Variants in ITFG1 observed in about 807,000 individuals in gnomAD.
The protein encoded by ITFG1 is T-cell immunomodulatory protein.
In ITFG1, 34 loss-of-function variants were observed where a neutral mutation model predicts 81.8. The observed-to-expected ratio is 0.42, with a 90% CI of 0.32 to 0.55. The LOEUF (loss-of-function observed/expected upper bound fraction) is 0.55, where lower values mean the gene tolerates loss of function less well. ITFG1 is among the 20% of genes least tolerant of loss of function. The pLI, the probability that ITFG1 is intolerant of heterozygous loss-of-function variation, is 0.17. For missense variants in ITFG1, 672 were observed against 755.4 expected, an observed-to-expected ratio of 0.89 and a Z score of 1.29; for synonymous variants, 285 against 270.6, an observed-to-expected ratio of 1.05 and a Z score of -0.52.
intron 6 of ITFG1, among the ~76,000 whole-genome samples, chr16:47,409,731 T>G (rs1313412894): frequency 6.6e-6 from 1 of 151,764 alleles, no homozygotes; most frequent in Non-Finnish European, 1.5e-5. Flanking sequence ...AAAAAAAATT[T>G]TAAAACTTGT....
At chr16:47,256,842 CTG>C (rs1220548104) in intron 12 of ITFG1, among the ~76,000 whole-genome samples, 1 of 152,208 alleles carries the variant, frequency 6.6e-6, no homozygotes, top group African/African-American at 2.4e-5. Context: ...TGTTTCAAAA[CTG>C]TAATAAATAT....
At position 47,368,061 on chromosome 16, in the gene ITFG1, C is replaced by T. The variant is rs1048522456; in HGVS notation, c.721-2192G>A. Among the ~76,000 whole-genome samples, 7 of 151,564 alleles carry T rather than the reference C, an allele frequency of 4.6e-5. No individual in the cohort carries two copies. In the East Asian group the frequency reaches 7.8e-4, roughly 17 times the overall value. On this transcript the variant is annotated intron_variant, in intron 7 of 17. Coordinates refer to ENST00000320640, the MANE Select transcript of ITFG1 (RefSeq NM_030790.5). ...CATCCTGGCTAACACGGTGAAACCC[C>T]GTCTCTACTAAAAATACAAAAAATT... is the stretch of plus-strand genomic sequence containing the variant.
chr16:47,313,290 A>T (rs1967296635), intron 9 of ITFG1, among the ~76,000 whole-genome samples: 1 of 152,218 alleles, frequency 6.6e-6, no homozygotes, highest in Admixed American at 6.5e-5. Context: ...TTCCCATATT[A>T]ATCCTCCACT....
intron 6 of ITFG1, among the ~76,000 whole-genome samples, chr16:47,423,684 A>C (rs1287811868): frequency 1.3e-5 from 2 of 152,132 alleles, no homozygotes; most frequent in Non-Finnish European, 2.9e-5. Flanking sequence ...TTTCTCCTCC[A>C]CTTATGAAGC....
chr16:47,197,993 CT>C (rs1965378654), intron 14 of ITFG1, among the ~76,000 whole-genome samples: 1 of 152,100 alleles, frequency 6.6e-6, no homozygotes, highest in Admixed American at 6.6e-5. Flanking sequence ...AGTATAATTT[CT>C]TTTTATAGGG....
chr16:47,269,580 A>C (rs1207129067), intron 10 of ITFG1, among the ~76,000 whole-genome samples: 3 of 152,036 alleles, frequency 2.0e-5, no homozygotes, highest in Non-Finnish European at 4.4e-5. Context: ...CAAAAGATGC[A>C]TAAGACCTGT....
intron 8 of ITFG1, among the ~76,000 whole-genome samples, chr16:47,355,317 C>T (rs1239022707): frequency 6.6e-6 from 1 of 152,038 alleles, no homozygotes; most frequent in Non-Finnish European, 1.5e-5. Context: ...TATGAATTCA[C>T]TCATATGTGG....
intron 14 of ITFG1, among the ~76,000 whole-genome samples, chr16:47,208,574 A>G (rs1965528860): frequency 1.3e-5 from 2 of 152,192 alleles, no homozygotes; most frequent in Non-Finnish European, 2.9e-5. Flanking sequence ...CTTTAATTGT[A>G]TCGCTTTTAT....
intron 5 of ITFG1, chr16:47,449,178 C>A (rs1430561411): frequency 1.3e-5 from 2 of 152,210 alleles, no homozygotes; most frequent in Admixed American, 6.5e-5. Context: ...AAGATCATTG[C>A]ATGCTTCCCA....
chr16:47,190,596 G>A (rs1025721059), intron 14 of ITFG1, among the ~76,000 whole-genome samples: 5 of 152,068 alleles, frequency 3.3e-5, no homozygotes, highest in Admixed American at 2.0e-4. Context: ...GCTTCTCTAT[G>A]TTTCTATCCC....
At chr16:47,318,462 T>A (rs924987781) in intron 8 of ITFG1, among the ~76,000 whole-genome samples, 1 of 152,180 alleles carries the variant, frequency 6.6e-6, no homozygotes, top group Non-Finnish European at 1.5e-5. Flanking sequence ...TTTTGTATAA[T>A]CTCACCTTTG....
chr16:47,310,001 C>T (rs994395167), intron 10 of ITFG1, among the ~76,000 whole-genome samples: 2 of 152,188 alleles, frequency 1.3e-5, no homozygotes, highest in African/African-American at 4.8e-5. Flanking sequence ...AAGAACAACA[C>T]TCACGTTCCA....
At chr16:47,356,615 T>C (rs1968043446) in intron 8 of ITFG1, among the ~76,000 whole-genome samples, 1 of 152,244 alleles carries the variant, frequency 6.6e-6, no homozygotes, top group African/African-American at 2.4e-5. Context: ...ATTCAGTCAC[T>C]ATCCATCCAT....
rs563489411 is a variant in ITFG1 at position 47,323,835 on chromosome 16, A to T, written c.803-10012T>A. Reference sequence around the variant, plus strand: ...GGTGGAAATGTTTCCTAAACATTCTACATGGCAACAGCCTTGTTTATTTTA... The same window carrying T: ...GGTGGAAATGTTTCCTAAACATTCTTCATGGCAACAGCCTTGTTTATTTTA... On this transcript the variant is annotated intron_variant, in intron 8 of 17. Coordinates refer to ENST00000320640, the MANE Select transcript of ITFG1 (RefSeq NM_030790.5). 3.3e-5 allele frequency among the ~76,000 whole-genome samples: 5 copies of T among 152,286 alleles called. No individual in the cohort carries two copies. In the East Asian group the frequency reaches 9.6e-4, roughly 29 times the overall value.
intron 7 of ITFG1, among the ~76,000 whole-genome samples, chr16:47,372,863 T>G (rs532146526): frequency 4.3e-4 from 65 of 152,224 alleles, no homozygotes; most frequent in Non-Finnish European, 7.3e-4. Context: ...TTTCCTTCTT[T>G]AATCATTCAT....
At chr16:47,455,501 G>A (rs908787193) in intron 2 of ITFG1, among the ~76,000 whole-genome samples, 17 of 151,948 alleles carry the variant, frequency 1.1e-4, no homozygotes, top group Non-Finnish European at 2.4e-4. Flanking sequence ...GGTGGTTCAC[G>A]CCTGTAATCC....
intron 1 of ITFG1, among the ~76,000 whole-genome samples, chr16:47,460,503 T>A (rs1969517720): frequency 6.6e-6 from 1 of 152,110 alleles, no homozygotes; most frequent in Non-Finnish European, 1.5e-5. Flanking sequence ...CTACAAAGAT[T>A]CCTAGGAATC....
At chr16:47,292,974 A>C (rs1337962481) in intron 10 of ITFG1, among the ~76,000 whole-genome samples, 1 of 150,820 alleles carries the variant, frequency 6.6e-6, no homozygotes, top group South Asian at 2.1e-4. Flanking sequence ...GTTGGTGAAA[A>C]AGACATGACT....
chr16:47,160,655 T>C (rs1964789571), intron 16 of ITFG1, among the ~76,000 whole-genome samples: 1 of 152,126 alleles, frequency 6.6e-6, no homozygotes, highest in Non-Finnish European at 1.5e-5. Flanking sequence ...AAGGCTGTGA[T>C]AAAGTTTATT....
Sources: gnomAD v4.1 joint callset for allele counts (sites outside exome capture counted in the v4.1 genomes callset) on GRCh38, gnomAD v4.1.1 for gene constraint, MANE v1.5 for transcripts, NCBI Gene and HGNC (gene_info 2026-07-23, HGNC 2026-07-21) for gene names.